FBXO30: variants seen among roughly 807,000 people sequenced by gnomAD.
The protein encoded by FBXO30 is F-box only protein 30.
Under a neutral mutation model 58.1 loss-of-function variants are expected in FBXO30, and 21 were observed. The ratio of observed to expected loss-of-function variants is 0.36; its 90% CI spans 0.26 to 0.52. FBXO30 has a LOEUF of 0.52. Among genes scored for constraint, FBXO30 ranks in the 20% least tolerant of loss-of-function variants. The pLI, the probability that FBXO30 is intolerant of heterozygous loss-of-function variation, is 0.93. For missense variants in FBXO30, 744 were observed against 897.3 expected (o/e 0.83, Z 2.18); for synonymous variants, 309 against 312.4 (o/e 0.99, Z 0.11).
intron 2 of FBXO30, among the ~76,000 whole-genome samples, chr6:145,801,414 C>T (rs549671076): frequency 7.9e-5 from 12 of 150,994 alleles, no homozygotes; most frequent in African/African-American, 2.2e-4. Context: ...TGTATGTGTG[C>T]GTGTGTGTGT....
chr6:145,806,524 A>G (rs1218438673), intron 1 of FBXO30, 103 bp from the exon 2 acceptor site: 2 of 829,884 alleles, frequency 2.4e-6, no homozygotes, highest in Admixed American at 5.3e-5. Context: ...ATCTTGGTTT[A>G]TTTTAGGATG....
chr6:145,807,586 T>C (rs1233535343), intron 1 of FBXO30, among the ~76,000 whole-genome samples: 1 of 152,208 alleles, frequency 6.6e-6, no homozygotes, highest in African/African-American at 2.4e-5. Flanking sequence ...TCACTGAGAA[T>C]TTTAAGCAGA....
At chr6:145,801,335 C>T (rs1232346647) in intron 2 of FBXO30, among the ~76,000 whole-genome samples, 1 of 152,076 alleles carries the variant, frequency 6.6e-6, no homozygotes, top group East Asian at 1.9e-4. Context: ...CCCAGGACGG[C>T]TCTGAATGCA....
chr6:145,809,345 G>A (rs1281728911), intron 1 of FBXO30, among the ~76,000 whole-genome samples: 1 of 152,138 alleles, frequency 6.6e-6, no homozygotes, highest in African/African-American at 2.4e-5. Flanking sequence ...ACATGCTGAA[G>A]GTTACAAGCT....
chr6:145,804,514 A>C lies in FBXO30; in HGVS notation c.1892T>G (p.Phe631Cys), dbSNP rs1218056421. ...TACACATGAGAGCTGACATAAGCTGAAGCCATCGAGAAAGCCTGCAATATG... is the reference window on the plus strand; with the variant it reads ...TACACATGAGAGCTGACATAAGCTGCAGCCATCGAGAAAGCCTGCAATATG... Reference protein sequence around the residue: ...LQHIAGFLDGFSLCQLSCVSK... With the variant: ...LQHIAGFLDGCSLCQLSCVSK... The change falls in exon 2 of 3, where the codon TTC becomes TGC. Residue 631 changes from phenylalanine (F) to cysteine (C), a missense_variant. Coordinates refer to ENST00000237281, the MANE Select transcript of FBXO30 (RefSeq NM_032145.5). 2 of 1,613,800 alleles carry C rather than the reference A, an allele frequency of 1.2e-6. No homozygotes were observed. Among genetic ancestry groups the C allele is most frequent in the South Asian group, 2.2e-5 (2 of 91,082 alleles).
intron 2 of FBXO30, 81 bp from the exon 3 acceptor site, chr6:145,800,390 T>A: frequency 9.1e-7 from 1 of 1,104,156 alleles, no homozygotes; most frequent in South Asian, 1.4e-5. Context: ...ACTGCATACA[T>A]TTCTGCTATT....
intron 1 of FBXO30, chr6:145,811,977 C>G (rs549229756): frequency 6.6e-6 from 1 of 152,120 alleles, no homozygotes; most frequent in Non-Finnish European, 1.5e-5. Context: ...CATAATAAAT[C>G]TATACCCTAG....
rs961487251 is a variant in FBXO30 at position 145,795,367 on chromosome 6, T to C, written c.*4739A>G. 1.3e-5 allele frequency: 2 copies of C among 151,880 alleles called. No homozygotes were observed. The highest frequency in any genetic ancestry group is 1.3e-4 in the Admixed American group (2 of 15,236). 9.4% of individuals were successfully genotyped at this position (151,880 alleles called of 1,614,324 possible). A position where few individuals can be genotyped will look rare whatever the true frequency, so the allele number is the denominator to read the frequency against. Reference sequence around the variant, plus strand: ...TTACTTTCAAATACACGAAGAACTATTAACCACCACAAGAACTAGCTACAT... The same window carrying C: ...TTACTTTCAAATACACGAAGAACTACTAACCACCACAAGAACTAGCTACAT... On this transcript the variant is annotated 3_prime_UTR_variant, in exon 3 of 3. Transcript: ENST00000237281.
At chr6:145,808,185 C>T (rs1457868422) in intron 1 of FBXO30, among the ~76,000 whole-genome samples, 2 of 151,538 alleles carry the variant, frequency 1.3e-5, no homozygotes, top group Non-Finnish European at 1.5e-5. Flanking sequence ...CCCTTTACCA[C>T]CATTTTTTTT....
rs1413220355 is a variant in FBXO30, at chr6:145,793,768, G to T, written c.*6338C>A. 1 of 151,962 alleles carries T rather than the reference G, an allele frequency of 6.6e-6. No individual in the cohort carries two copies. The highest frequency in any genetic ancestry group is 2.4e-5 in the African/African-American group (1 of 41,406). The allele number at this position is 151,962 out of a possible 1,614,324, so 9.4% of individuals were successfully genotyped here. On this transcript the variant is annotated 3_prime_UTR_variant, in exon 3 of 3. Coordinates refer to ENST00000237281, the MANE Select transcript of FBXO30 (RefSeq NM_032145.5). ...GTTTTAAATATAAGGAAATTTTGAT[G>T]AATTACAGCTTTATTTCTGCTGCTG... is the stretch of plus-strand genomic sequence containing the variant.
In FBXO30 at chr6:145,805,062, C is replaced by T. The variant is rs1778121059; in HGVS notation, c.1344G>A (p.Met448Ile). Residue 448 changes from methionine to isoleucine, a missense_variant, in exon 2 of 3, where the codon ATG becomes ATA. Physicochemically the swap from Met to Ile is conservative, Grantham distance 10. Transcript: ENST00000237281. ...CAACGTCAATGTGATAAATATCAGCCATGCGGCTATCAGATATACCCCTCC... is the reference window on the plus strand; with the variant it reads ...CAACGTCAATGTGATAAATATCAGCTATGCGGCTATCAGATATACCCCTCC... ...PGGRGISDSR[M>I]ADIYHIDVGT... is the part of the protein sequence containing the mutation. The T allele has an allele frequency of 1.6e-5, 26 of 1,614,016 alleles. No homozygotes were observed. The East Asian group carries it at 5.6e-4, about 35-fold the overall frequency.
chr6:145,804,660 G>A lies in FBXO30; in HGVS notation c.1746C>T (p.Arg582=), dbSNP rs967688006. 3 of 1,613,754 alleles carry A rather than the reference G, an allele frequency of 1.9e-6. No homozygotes were observed. The highest frequency in any genetic ancestry group is 2.5e-6 in the Non-Finnish European group (3 of 1,179,900). The change falls in exon 2 of 3, where the codon CGC becomes CGT. Residue 582 remains arginine, a synonymous_variant. Transcript: ENST00000237281. ...SIQGAKIIHD[R]HLRSFGVQPC... The stretch of plus-strand genomic sequence containing the variant: ...GCTGAACTCCAAATGACCTCAAATG[G>A]CGGTCATGTATAATCTTTGCTCCTT...
In FBXO30 at chr6:145,805,979, A is replaced by G. The variant is rs1269150138; in HGVS notation, c.427T>C (p.Ser143Pro). The change falls in exon 2 of 3, where the codon TCA (serine) becomes CCA (proline). Residue 143 changes from serine to proline, a missense_variant. Coordinates refer to ENST00000237281, the MANE Select transcript of FBXO30 (RefSeq NM_032145.5). Reference sequence around the variant, plus strand: ...TTGGATACTTTATCAGTTGCTTTTGACATCATGGTGGCTACTTTGAGGGAT... The same window carrying G: ...TTGGATACTTTATCAGTTGCTTTTGGCATCATGGTGGCTACTTTGAGGGAT... ...LESLKVATMM[S>P]KATDKVSKPR... is the part of the protein sequence containing the mutation. 10 of 1,613,962 alleles carry G rather than the reference A, an allele frequency of 6.2e-6. No individual in the cohort carries two copies. The highest frequency in any genetic ancestry group is 1.3e-5 in the African/African-American group (1 of 74,916).
In FBXO30 at chr6:145,799,899, T is replaced by G. The variant is rs1323089594; in HGVS notation, c.*207A>C. 1 of 400,400 alleles carries G rather than the reference T, an allele frequency of 2.5e-6. No homozygotes were observed. The highest frequency in any genetic ancestry group is 4.3e-5 in the Admixed American group (1 of 23,122). 24.8% of individuals were successfully genotyped at this position (400,400 alleles called of 1,614,324 possible). ...AAATTAAATCACCCTGTCCAGCAAG[T>G]TCCAAAAATTTCACACATTTCAAAC... On this transcript the variant is annotated 3_prime_UTR_variant, in exon 3 of 3. Coordinates refer to ENST00000237281, the MANE Select transcript of FBXO30 (RefSeq NM_032145.5).
At chr6:145,808,452 A>C (rs912051536) in intron 1 of FBXO30, among the ~76,000 whole-genome samples, 1 of 152,114 alleles carries the variant, frequency 6.6e-6, no homozygotes, top group South Asian at 2.1e-4. Flanking sequence ...ATGTCACTCC[A>C]GTCTTTCTCC....
Position 145,795,369 on chromosome 6 carries a change from A to C in FBXO30, c.*4737T>G, listed in dbSNP as rs994025991. 1 of 151,894 alleles carries C rather than the reference A, an allele frequency of 6.6e-6. No individual in the cohort carries two copies. The allele number at this position is 151,894 out of a possible 1,614,324, so 9.4% of individuals were successfully genotyped here. ...ACTTTCAAATACACGAAGAACTATTAACCACCACAAGAACTAGCTACATAT... is the reference window on the plus strand; with the variant it reads ...ACTTTCAAATACACGAAGAACTATTCACCACCACAAGAACTAGCTACATAT... On this transcript the variant is annotated 3_prime_UTR_variant, in exon 3 of 3. Transcript: ENST00000237281.
intron 2 of FBXO30, among the ~76,000 whole-genome samples, chr6:145,803,038 G>A (rs1778052818): frequency 6.6e-6 from 1 of 152,048 alleles, no homozygotes; most frequent in South Asian, 2.1e-4. Context: ...TCCAGTAGAT[G>A]CTTGTATATA....
At chr6:145,802,026 G>A (rs981094116) in intron 2 of FBXO30, among the ~76,000 whole-genome samples, 5 of 152,084 alleles carry the variant, frequency 3.3e-5, no homozygotes, top group African/African-American at 1.2e-4. Context: ...TTTACTCAGT[G>A]CCTACTACAT....
rs779609457 is a variant in FBXO30 at position 145,804,813 on chromosome 6, T to C, written c.1593A>G (p.Glu531=). 1 of 1,613,912 alleles carries C rather than the reference T, an allele frequency of 6.2e-7. No individual in the cohort carries two copies. Among genetic ancestry groups the C allele is most frequent in the South Asian group, 1.1e-5 (1 of 91,088 alleles). The change falls in exon 2 of 3, where the codon GAA becomes GAG. Residue 531 remains glutamate (E), a synonymous_variant. Coordinates refer to ENST00000237281, the MANE Select transcript of FBXO30 (RefSeq NM_032145.5). ...FVCGQLFRRK[E]FSSHFKNVHG... ...GCACATTCTTAAAGTGGGAAGAAAATTCTTTCCTTCTAAATAACTGTCCAC... is the reference window on the plus strand; with the variant it reads ...GCACATTCTTAAAGTGGGAAGAAAACTCTTTCCTTCTAAATAACTGTCCAC...
Sources: gnomAD v4.1 joint callset for allele counts (sites outside exome capture counted in the v4.1 genomes callset) on GRCh38, gnomAD v4.1.1 for gene constraint, MANE v1.5 for transcripts, NCBI Gene and HGNC (gene_info 2026-07-23, HGNC 2026-07-21) for gene names.